Variants in RBFOX1 observed in about 807,000 individuals in gnomAD.
RBFOX1 encodes the protein RNA binding protein fox-1 homolog 1.
In RBFOX1, 8 loss-of-function variants were observed where a neutral mutation model predicts 57.7. The observed-to-expected ratio is 0.14, with a 90% CI of 0.08 to 0.25. The LOEUF (loss-of-function observed/expected upper bound fraction) is 0.25, where lower values mean the gene tolerates loss of function less well. Among genes scored for constraint, RBFOX1 ranks in the 10% least tolerant of loss-of-function variants. The pLI is 1.00. For synonymous variants in RBFOX1, 326 were observed against 222.4 expected (o/e 1.47, Z -4.15); for missense variants, 611 against 548.5 (o/e 1.11, Z -1.14).
At chr16:6,891,320 G>C (rs2065356989) in intron 3 of RBFOX1, among the ~76,000 whole-genome samples, 1 of 152,176 alleles carries the variant, frequency 6.6e-6, no homozygotes, top group Non-Finnish European at 1.5e-5. Flanking sequence ...AGAGGAAAAT[G>C]AAACTTAGAG....
chr16:6,710,782 A>G (rs1045456953), intron 3 of RBFOX1, among the ~76,000 whole-genome samples: 1 of 152,210 alleles, frequency 6.6e-6, no homozygotes, highest in African/African-American at 2.4e-5. Flanking sequence ...GGTGGCCCTT[A>G]AGTTTGTGAC....
In RBFOX1 at chr16:5,978,887, C is replaced by A. The variant is rs1029294504; in HGVS notation, c.351+111552C>A. ...CCCCCAATACTGTTCATCACGGTGC[C>A]CACTTTGGTGGGCTGAGGGGGTGGC... is the stretch of plus-strand genomic sequence containing the variant. On this transcript the variant is annotated intron_variant, in intron 4 of 19. Transcript: ENST00000641259. Among the ~76,000 whole-genome samples the A allele has an allele frequency of 4.7e-4, 71 of 152,076 alleles. 2 individuals carry two copies. The highest frequency in any genetic ancestry group is 3.2e-3 in the Middle Eastern group (1 of 316).
At chr16:5,903,128 A>G (rs11646350) in intron 4 of RBFOX1, among the ~76,000 whole-genome samples, 23,936 of 151,920 alleles carry the variant, frequency 0.16, 2,022 homozygotes, top group Middle Eastern at 0.29. Context: ...GGGTGTGTGT[A>G]TGTGAGTGTG....
At position 6,503,076 on chromosome 16, in the gene RBFOX1, T is replaced by G. The variant is rs551401368; in HGVS notation, c.-63-151527T>G. On this transcript the variant is annotated intron_variant, in intron 2 of 15. Transcript: ENST00000550418. ...ATAAAGATTTAGACATATGGATGCA[T>G]GGATATATTCTCAACAGACCTAAGA... Among the ~76,000 whole-genome samples, 120 of 152,324 alleles carry G rather than the reference T, an allele frequency of 7.9e-4. 1 individual carries two copies. The highest frequency in any genetic ancestry group is 2.8e-3 in the African/African-American group (115 of 41,574).
intron 1 of RBFOX1, among the ~76,000 whole-genome samples, chr16:6,234,640 A>G (rs902496104): frequency 6.6e-6 from 1 of 152,132 alleles, no homozygotes; most frequent in Non-Finnish European, 1.5e-5. Flanking sequence ...TATCTGGGTG[A>G]CTCAGTAATG....
At chr16:6,737,002 G>A (rs1270602359) in intron 3 of RBFOX1, among the ~76,000 whole-genome samples, 2 of 152,120 alleles carry the variant, frequency 1.3e-5, no homozygotes, top group Non-Finnish European at 2.9e-5. Flanking sequence ...CCCTGACACG[G>A]GAACCGTCTG....
intron 4 of RBFOX1, among the ~76,000 whole-genome samples, chr16:5,903,681 T>C (rs537428232): frequency 1.3e-5 from 2 of 152,176 alleles, no homozygotes; most frequent in South Asian, 4.2e-4. Flanking sequence ...ATAGTAAAAT[T>C]TATGCTTGGC....
chr16:7,128,003 C>G (rs750826239), intron 4 of RBFOX1, among the ~76,000 whole-genome samples: 27 of 152,152 alleles, frequency 1.8e-4, no homozygotes, highest in South Asian at 2.1e-4. Flanking sequence ...GGTTTGAAAT[C>G]TGGTTCTTTG....
At chr16:7,137,195 A>G (rs549749523) in intron 4 of RBFOX1, among the ~76,000 whole-genome samples, 1 of 152,230 alleles carries the variant, frequency 6.6e-6, no homozygotes, top group Non-Finnish European at 1.5e-5. Context: ...TTACTGAGCT[A>G]GCTGGACTCT....
At chr16:5,304,446 C>A (rs181535798) in intron 1 of RBFOX1, among the ~76,000 whole-genome samples, 47 of 152,308 alleles carry the variant, frequency 3.1e-4, no homozygotes, top group Admixed American at 2.4e-3. Context: ...CAACTGCGTT[C>A]TTCTGACCTG....
At chr16:7,381,783 G>A (rs1219903517) in intron 4 of RBFOX1, among the ~76,000 whole-genome samples, 7 of 152,116 alleles carry the variant, frequency 4.6e-5, no homozygotes, top group South Asian at 2.1e-4. Flanking sequence ...TTTATATCAC[G>A]GTTTCTCCAC....
intron 2 of RBFOX1, among the ~76,000 whole-genome samples, chr16:5,516,205 TA>T (rs1338619058): frequency 6.6e-6 from 1 of 152,238 alleles, no homozygotes; most frequent in Non-Finnish European, 1.5e-5. Flanking sequence ...GAATAGGCTG[TA>T]AAATCAGATC....
In RBFOX1 at chr16:7,711,796, T is replaced by A. The variant is rs1003538254; in HGVS notation, c.*1051T>A. 2 of 152,580 alleles carry A rather than the reference T, an allele frequency of 1.3e-5. No homozygotes were observed. The highest frequency in any genetic ancestry group is 2.9e-5 in the Non-Finnish European group (2 of 68,018). The allele number at this position is 152,580 out of a possible 1,614,324, so 9.5% of individuals were successfully genotyped here. On this transcript the variant is annotated 3_prime_UTR_variant, in exon 16 of 16. Transcript: ENST00000550418. ...TTTATGGAATTACATGATAATCATATTCGGATTTATAGAAGCATTTTACAA... is the reference window on the plus strand; with the variant it reads ...TTTATGGAATTACATGATAATCATAATCGGATTTATAGAAGCATTTTACAA...
chr16:6,054,910 G>C (rs972745886), intron 1 of RBFOX1, among the ~76,000 whole-genome samples: 1 of 152,090 alleles, frequency 6.6e-6, no homozygotes, highest in African/African-American at 2.4e-5. Context: ...AGCCTCCCAA[G>C]TAGCTGGGAC....
intron 3 of RBFOX1, among the ~76,000 whole-genome samples, chr16:6,875,562 G>T (rs2061686066): frequency 6.6e-6 from 1 of 152,176 alleles, no homozygotes; most frequent in Non-Finnish European, 1.5e-5. Flanking sequence ...GCAAGGCCGT[G>T]GTTAAGGAAA....
chr16:7,142,078 C>T (rs1442803635), intron 4 of RBFOX1, among the ~76,000 whole-genome samples: 1 of 151,966 alleles, frequency 6.6e-6, no homozygotes, highest in East Asian at 1.9e-4. Flanking sequence ...GGCTGGAGTG[C>T]AGTGGTGTGA....
At chr16:7,647,555 A>G (rs5815419) in intron 11 of RBFOX1, among the ~76,000 whole-genome samples, 8 of 151,780 alleles carry the variant, frequency 5.3e-5, no homozygotes, top group East Asian at 1.9e-4. Flanking sequence ...GGAAAAAAAA[A>G]AAAAAAGCAA....
intron 3 of RBFOX1, among the ~76,000 whole-genome samples, chr16:6,755,826 A>T (rs949933156): frequency 4.6e-5 from 7 of 152,126 alleles, no homozygotes; most frequent in African/African-American, 9.7e-5. Flanking sequence ...TTATACTTAA[A>T]GTAATATGGA....
At chr16:6,744,314 T>A (rs2073052226) in intron 3 of RBFOX1, among the ~76,000 whole-genome samples, 1 of 152,098 alleles carries the variant, frequency 6.6e-6, no homozygotes, top group African/African-American at 2.4e-5. Flanking sequence ...AATTATTAAA[T>A]ATATAGATTT....
Sources: allele counts gnomAD v4.1 joint callset (sites outside exome capture counted in the v4.1 genomes callset), GRCh38; gene constraint gnomAD v4.1.1; transcripts MANE v1.5; gene names NCBI Gene and HGNC (gene_info 2026-07-23, HGNC 2026-07-21).